The following GULP1 variants were observed in gnomAD, a reference collection of about 807,000 sequenced individuals.
GULP1 encodes the protein GULP PTB domain containing engulfment adaptor 1.
In GULP1, 19 loss-of-function variants were observed where a neutral mutation model predicts 40.9. The ratio of observed to expected loss-of-function variants is 0.46; its 90% CI spans 0.32 to 0.68. The LOEUF (loss-of-function observed/expected upper bound fraction) is 0.68. Among genes scored for constraint, GULP1 ranks in the 30% least tolerant of loss-of-function variants. The pLI is 0.03. For synonymous variants in GULP1, 119 were observed against 117.6 expected, an observed-to-expected ratio of 1.01 and a Z score of -0.08; for missense variants, 312 against 362.2, an observed-to-expected ratio of 0.86 and a Z score of 1.12.
intron 1 of GULP1, among the ~76,000 whole-genome samples, chr2:188,301,398 CG>C (rs1282076904): frequency 6.6e-6 from 1 of 152,118 alleles, no homozygotes; most frequent in Non-Finnish European, 1.5e-5. Flanking sequence ...CTCTTCTTTC[CG>C]TTTCTTGCAT....
intron 2 of GULP1, among the ~76,000 whole-genome samples, chr2:188,463,122 A>C (rs1053374504): frequency 6.6e-6 from 1 of 152,060 alleles, no homozygotes; most frequent in Non-Finnish European, 1.5e-5. Context: ...TTGTATCTTC[A>C]TTAACATTTC....
chr2:188,327,429 A>G (rs1423637822), intron 1 of GULP1, among the ~76,000 whole-genome samples: 1 of 152,096 alleles, frequency 6.6e-6, no homozygotes, highest in Non-Finnish European at 1.5e-5. Context: ...AAGTGTGTTT[A>G]CTTTTCTAAT....
At chr2:188,406,503 T>C (rs2053125068) in intron 2 of GULP1, among the ~76,000 whole-genome samples, 1 of 152,060 alleles carries the variant, frequency 6.6e-6, no homozygotes, top group African/African-American at 2.4e-5. Flanking sequence ...CTAAAATAAA[T>C]TTAAAAGAGA....
At chr2:188,311,220 G>A (rs889642201) in intron 1 of GULP1, among the ~76,000 whole-genome samples, 2 of 150,494 alleles carry the variant, frequency 1.3e-5, no homozygotes, top group Admixed American at 6.6e-5. Context: ...TTTTTGAGTC[G>A]GAGTCTCGCT....
At chr2:188,308,559 A>G (rs2037525942) in intron 1 of GULP1, among the ~76,000 whole-genome samples, 1 of 152,184 alleles carries the variant, frequency 6.6e-6, no homozygotes, top group Admixed American at 6.5e-5. Context: ...CATCTTATGT[A>G]CTGAACTTCT....
At chr2:188,445,361 T>C (rs1400938760) in intron 2 of GULP1, among the ~76,000 whole-genome samples, 1 of 152,042 alleles carries the variant, frequency 6.6e-6, no homozygotes, top group Non-Finnish European at 1.5e-5. Context: ...GGAAGAGAGA[T>C]TCAGAGACAG....
intron 1 of GULP1, among the ~76,000 whole-genome samples, chr2:188,318,865 C>T (rs1189702285): frequency 6.6e-6 from 1 of 152,170 alleles, no homozygotes; most frequent in Non-Finnish European, 1.5e-5. Flanking sequence ...GCTTCTGCTT[C>T]TGCTGTACAC....
chr2:188,484,610 G>C (rs1252687610), intron 4 of GULP1, among the ~76,000 whole-genome samples: 1 of 152,172 alleles, frequency 6.6e-6, no homozygotes, highest in African/African-American at 2.4e-5. Flanking sequence ...GATACAGTGA[G>C]ATTAGGCATA....
At chr2:188,402,114 A>G (rs948833879) in intron 2 of GULP1, among the ~76,000 whole-genome samples, 1 of 152,130 alleles carries the variant, frequency 6.6e-6, no homozygotes, top group African/African-American at 2.4e-5. Context: ...TGATATGATG[A>G]TGCGTTTAAA....
chr2:188,440,901 TAGTC>T (rs1318633249), intron 2 of GULP1, among the ~76,000 whole-genome samples: 1 of 152,220 alleles, frequency 6.6e-6, no homozygotes, highest in Non-Finnish European at 1.5e-5. Flanking sequence ...TAAATCTTAT[TAGTC>T]AGTCTTCAGA....
At chr2:188,440,641 T>C (rs576201756) in intron 2 of GULP1, among the ~76,000 whole-genome samples, 4 of 152,284 alleles carry the variant, frequency 2.6e-5, no homozygotes, top group Non-Finnish European at 2.9e-5. Flanking sequence ...CTCGGCTCAC[T>C]GCAACCTTCG....
At chr2:188,483,849 A>G (rs1334304067) in intron 4 of GULP1, among the ~76,000 whole-genome samples, 1 of 152,198 alleles carries the variant, frequency 6.6e-6, no homozygotes, top group African/African-American at 2.4e-5. Flanking sequence ...AAAAACCTGC[A>G]AATGAGAGAA....
At chr2:188,464,370 G>C (rs1018988258) in intron 2 of GULP1, among the ~76,000 whole-genome samples, 1 of 152,090 alleles carries the variant, frequency 6.6e-6, no homozygotes, top group Non-Finnish European at 1.5e-5. Context: ...AAGTCCCTCT[G>C]TCTGTTCTGA....
chr2:188,577,346 A>C (rs967060389), intron 9 of GULP1, among the ~76,000 whole-genome samples: 22 of 152,226 alleles, frequency 1.4e-4, no homozygotes, highest in African/African-American at 5.3e-4. Flanking sequence ...TTCTGCTACT[A>C]TTGAAGTGAG....
intron 2 of GULP1, among the ~76,000 whole-genome samples, chr2:188,423,951 T>C (rs1439015446): frequency 2.0e-5 from 3 of 151,862 alleles, no homozygotes; most frequent in Non-Finnish European, 4.4e-5. Context: ...TCCTAAAATA[T>C]ACCTTCAAAA....
chr2:188,305,668 A>G (rs1198409234), intron 1 of GULP1, among the ~76,000 whole-genome samples: 2 of 152,232 alleles, frequency 1.3e-5, no homozygotes, highest in African/African-American at 2.4e-5. Flanking sequence ...TCGTGATACC[A>G]CATCCATTGA....
At chr2:188,509,501 T>C (rs1163508875) in intron 4 of GULP1, among the ~76,000 whole-genome samples, 1 of 152,124 alleles carries the variant, frequency 6.6e-6, no homozygotes, top group Non-Finnish European at 1.5e-5. Flanking sequence ...CACTCATTTT[T>C]CACTCAAAAG....
intron 4 of GULP1, among the ~76,000 whole-genome samples, chr2:188,493,913 C>T (rs1326741570): frequency 6.6e-6 from 1 of 152,034 alleles, no homozygotes; most frequent in Non-Finnish European, 1.5e-5. Flanking sequence ...ATTTACATGA[C>T]AACTCTCAGA....
intron 4 of GULP1, among the ~76,000 whole-genome samples, chr2:188,520,404 C>T (rs114182988): frequency 0.039 from 5,885 of 151,742 alleles, 260 homozygotes; most frequent in African/African-American, 0.1. Flanking sequence ...GGCGTGGTGG[C>T]GCGTTCCTGT....
Sources: gnomAD v4.1 joint callset for allele counts (sites outside exome capture counted in the v4.1 genomes callset) on GRCh38, gnomAD v4.1.1 for gene constraint, MANE v1.5 for transcripts, NCBI Gene and HGNC (gene_info 2026-07-23, HGNC 2026-07-21) for gene names.